MOB3B: variants seen among roughly 807,000 people sequenced by gnomAD.
MOB3B encodes MOB kinase activator 3B, also known as MOB kinase activator-like 2B.
In MOB3B, 7 loss-of-function variants were observed where a neutral mutation model predicts 18.7. That is an observed-to-expected ratio of 0.37 (90% CI 0.21 to 0.70). The LOEUF (loss-of-function observed/expected upper bound fraction) is 0.70. Ranked by LOEUF, MOB3B falls within the 30% of genes least tolerant of loss-of-function variation. The pLI is 0.52. For synonymous variants in MOB3B, 111 were observed against 99.9 expected (o/e 1.11, Z -0.66); for missense variants, 253 against 281.3 (o/e 0.90, Z 0.72).
chr9:27,420,538 CTG>C (rs1178039860), intron 2 of MOB3B, among the ~76,000 whole-genome samples: 1 of 107,222 alleles, frequency 9.3e-6, no homozygotes, highest in South Asian at 3.1e-4. Flanking sequence ...TATATTCCAT[CTG>C]TATATTCCAT....
At chr9:27,437,285 A>C (rs1272478504) in intron 2 of MOB3B, among the ~76,000 whole-genome samples, 1 of 152,208 alleles carries the variant, frequency 6.6e-6, no homozygotes, top group Non-Finnish European at 1.5e-5. Context: ...CCTTCTTGGC[A>C]TTAAGACCTC....
chr9:27,338,742 G>A (rs1306575270), intron 3 of MOB3B, among the ~76,000 whole-genome samples: 1 of 152,186 alleles, frequency 6.6e-6, no homozygotes, highest in Admixed American at 6.5e-5. Context: ...TCCAAACGAG[G>A]CTGGCTCCCC....
At chr9:27,362,424 T>C (rs1400921533) in intron 2 of MOB3B, among the ~76,000 whole-genome samples, 7 of 152,170 alleles carry the variant, frequency 4.6e-5, no homozygotes, top group Non-Finnish European at 7.4e-5. Flanking sequence ...TTAGTATCTG[T>C]ACTGTGCTTG....
chr9:27,469,856 C>A (rs765195900), intron 1 of MOB3B, among the ~76,000 whole-genome samples: 1 of 152,158 alleles, frequency 6.6e-6, no homozygotes, highest in South Asian at 2.1e-4. Flanking sequence ...GAAGCCAAGG[C>A]AGGAGGATCG....
In MOB3B at chr9:27,487,153, A is replaced by AAATAAATAAATAAATAAAAT. The variant is rs1241652908; in HGVS notation, c.-198-31406_-198-31405insATTTTATTTATTTATTTATT. Among the ~76,000 whole-genome samples the AAATAAATAAATAAATAAAAT allele has an allele frequency of 3.4e-3, 78 of 22,894 alleles. No homozygotes were observed. In the East Asian group the frequency reaches 0.064, roughly 19 times the overall value. The allele number at this position is 22,894 out of a possible 152,430, so 15.0% of individuals were successfully genotyped here. On this transcript the variant is annotated intron_variant, in intron 1 of 3. Transcript: ENST00000262244. ...CTCAAAAATAAATAAATAAATAAAT[A>AAATAAATAAATAAATAAAAT]AAATAAATAAATAATTCTTAGCGTT...
intron 2 of MOB3B, among the ~76,000 whole-genome samples, chr9:27,371,277 T>C (rs982157785): frequency 6.6e-6 from 1 of 152,200 alleles, no homozygotes; most frequent in Non-Finnish European, 1.5e-5. Context: ...GGAACCCAAC[T>C]TGAGCGGGGC....
chr9:27,343,680 T>C (rs59788838), intron 3 of MOB3B, among the ~76,000 whole-genome samples: 10,602 of 149,028 alleles, frequency 0.071, 1,174 homozygotes, highest in African/African-American at 0.24. Flanking sequence ...CGTCTTTTAT[T>C]ATGAGGCTGG....
At chr9:27,355,138 C>T in intron 3 of MOB3B, among the ~76,000 whole-genome samples, 1 of 152,180 alleles carries the variant, frequency 6.6e-6, no homozygotes, top group East Asian at 1.9e-4. Flanking sequence ...GACTCTCCTA[C>T]CCCAGTAGGG....
chr9:27,418,041 G>A (rs7039930), intron 2 of MOB3B, among the ~76,000 whole-genome samples: 50,673 of 135,966 alleles, frequency 0.37, 9,152 homozygotes, highest in Middle Eastern at 0.4. Flanking sequence ...GCAGTGAGCT[G>A]AGATCACACC....
intron 1 of MOB3B, chr9:27,524,702 A>C (rs756241593): frequency 5.6e-6 from 9 of 1,614,024 alleles, no homozygotes; most frequent in Non-Finnish European, 6.8e-6. Context: ...ATCAGCAAGC[A>C]GAGTACCTGA....
chr9:27,411,633 G>A (rs554018759), intron 2 of MOB3B, among the ~76,000 whole-genome samples: 92 of 152,262 alleles, frequency 6.0e-4, no homozygotes, highest in Middle Eastern at 6.8e-3. Context: ...TCACATGTGA[G>A]GAATGCCAAG....
chr9:27,349,130 A>G (rs1392979857), intron 3 of MOB3B, among the ~76,000 whole-genome samples: 1 of 152,234 alleles, frequency 6.6e-6, no homozygotes, highest in African/African-American at 2.4e-5. Flanking sequence ...ATAGGACTCT[A>G]TTAGCACCAA....
intron 1 of MOB3B, among the ~76,000 whole-genome samples, chr9:27,480,129 A>G (rs1180283939): frequency 6.6e-6 from 1 of 151,530 alleles, no homozygotes; most frequent in East Asian, 1.9e-4. Context: ...GAGGAAGGAA[A>G]TGGGAGAGAA....
intron 2 of MOB3B, among the ~76,000 whole-genome samples, chr9:27,447,328 G>A (rs1471756370): frequency 2.0e-5 from 3 of 152,140 alleles, no homozygotes; most frequent in East Asian, 1.9e-4. Flanking sequence ...GACCTCCACA[G>A]TACAGGCTTC....
intron 3 of MOB3B, among the ~76,000 whole-genome samples, chr9:27,348,503 AT>A (rs1821061727): frequency 6.6e-6 from 1 of 151,982 alleles, no homozygotes; most frequent in Non-Finnish European, 1.5e-5. Flanking sequence ...AAATAAAAAA[AT>A]TATCCGGGCA....
At position 27,410,697 on chromosome 9, in the gene MOB3B, T is replaced by C. The variant is rs1463076288; in HGVS notation, c.418+44436A>G. 3.9e-5 allele frequency among the ~76,000 whole-genome samples: 6 copies of C among 152,252 alleles called. No individual in the cohort carries two copies. In the South Asian group the frequency reaches 1.0e-3, roughly 26 times the overall value. The stretch of plus-strand genomic sequence containing the variant: ...TGGTGGTCTTCAGGCTGGACACATA[T>C]CCCCAGAATGGTCACCACACAGATC... On this transcript the variant is annotated intron_variant, in intron 2 of 3. Coordinates refer to ENST00000262244, the MANE Select transcript of MOB3B (RefSeq NM_024761.5).
Position 27,413,364 on chromosome 9 carries a change from T to C in MOB3B, c.418+41769A>G, listed in dbSNP as rs149591271. Among the ~76,000 whole-genome samples, 278 of 152,198 alleles carry C rather than the reference T, an allele frequency of 1.8e-3. 1 individual carries two copies. The highest frequency in any genetic ancestry group is 6.6e-3 in the African/African-American group (272 of 41,512). ...GTGGAGCTTAAAGTGACATAGACTA[T>C]TAACTGAGAGTGACTAGAAAAGCCA... On this transcript the variant is annotated intron_variant, in intron 2 of 3. Transcript: ENST00000262244.
At chr9:27,364,592 A>G (rs1821317779) in intron 2 of MOB3B, among the ~76,000 whole-genome samples, 1 of 152,152 alleles carries the variant, frequency 6.6e-6, no homozygotes, top group African/African-American at 2.4e-5. Flanking sequence ...TTCTACCTTT[A>G]CCACTTATTC....
chr9:27,391,593 C>A (rs996884194), intron 2 of MOB3B: 2 of 152,216 alleles, frequency 1.3e-5, no homozygotes, highest in African/African-American at 4.8e-5. Flanking sequence ...TAAATAGCAT[C>A]TCTGAGTGTG....
Sources: allele counts gnomAD v4.1 joint callset (sites outside exome capture counted in the v4.1 genomes callset), GRCh38; gene constraint gnomAD v4.1.1; transcripts MANE v1.5; gene names NCBI Gene and HGNC (gene_info 2026-07-23, HGNC 2026-07-21).